CORO2B: variants seen among roughly 807,000 people sequenced by gnomAD.
The protein encoded by CORO2B is coronin 2B.
Under a neutral mutation model 58.8 loss-of-function variants are expected in CORO2B, and 26 were observed. The ratio of observed to expected loss-of-function variants is 0.44; its 90% CI spans 0.32 to 0.61. The LOEUF (loss-of-function observed/expected upper bound fraction) is 0.61, where lower values mean the gene tolerates loss of function less well. CORO2B is among the 20% of genes least tolerant of loss of function. The pLI is 0.04. For missense variants in CORO2B, 460 were observed against 645.1 expected (o/e 0.71, Z 3.11); for synonymous variants, 242 against 253.8 (o/e 0.95, Z 0.44).
chr15:68,593,282 A>T (rs1595956635), intron 1 of CORO2B, among the ~76,000 whole-genome samples: 1 of 152,330 alleles, frequency 6.6e-6, no homozygotes, highest in Admixed American at 6.5e-5. Context: ...CCTGTTCAAC[A>T]TTTGGTTTAA....
At chr15:68,562,197 G>A in the CORO2B span, among the ~76,000 whole-genome samples, 1 of 152,182 alleles carries the variant, frequency 6.6e-6, no homozygotes, top group East Asian at 1.9e-4. Context: ...GGGTCTTTGG[G>A]TGCTGAGCAC....
chr15:68,670,044 A>G (rs989404865), intron 2 of CORO2B, among the ~76,000 whole-genome samples: 2 of 148,974 alleles, frequency 1.3e-5, no homozygotes, highest in African/African-American at 5.0e-5. Context: ...GTGACAGAGC[A>G]AGACTCTGTC....
In CORO2B at chr15:68,586,395, A is replaced by G. The variant is rs1369872355; in HGVS notation, c.15+7118A>G. Among the ~76,000 whole-genome samples the G allele has an allele frequency of 6.6e-5, 10 of 152,208 alleles. No homozygotes were observed. The East Asian group carries it at 1.7e-3, about 26-fold the overall frequency. On this transcript the variant is annotated intron_variant, in intron 1 of 11. Coordinates refer to ENST00000261861, the MANE Select transcript of CORO2B (RefSeq NM_006091.5). ...GGAAGTGACTTTAAGTTGAGTCATGAAGGATGAGTAGGAGGTAGCAGGTGA... is the reference window on the plus strand; with the variant it reads ...GGAAGTGACTTTAAGTTGAGTCATGGAGGATGAGTAGGAGGTAGCAGGTGA...
the CORO2B span, among the ~76,000 whole-genome samples, chr15:68,541,419 C>A: frequency 6.6e-6 from 1 of 152,096 alleles, no homozygotes; most frequent in Non-Finnish European, 1.5e-5. Flanking sequence ...TCAGTGACAT[C>A]AAAAATGCTA....
At chr15:68,642,162 G>A (rs1044416417) in intron 1 of CORO2B, among the ~76,000 whole-genome samples, 29 of 149,360 alleles carry the variant, frequency 1.9e-4, no homozygotes, top group African/African-American at 6.9e-4. Context: ...TCAGCCTCCC[G>A]ACCAGCTGGG....
chr15:68,558,119 A>G, the CORO2B span, among the ~76,000 whole-genome samples: 8 of 152,178 alleles, frequency 5.3e-5, no homozygotes, highest in Non-Finnish European at 1.0e-4. Context: ...AGTAGGGCTG[A>G]GTCAGTGAGC....
intron 2 of CORO2B, among the ~76,000 whole-genome samples, chr15:68,665,163 G>A (rs1161761291): frequency 6.6e-6 from 1 of 152,122 alleles, no homozygotes; most frequent in South Asian, 2.1e-4. Context: ...TTGGTGTAAA[G>A]AATGAGGTAT....
rs1228870366 is a variant in CORO2B, at chr15:68,726,226, C to T, written c.*252C>T. 2.1e-6 allele frequency: 1 copy of T among 470,118 alleles called. No individual in the cohort carries two copies. The highest frequency in any genetic ancestry group is 4.6e-5 in the East Asian group (1 of 21,570). 29.1% of individuals were successfully genotyped at this position (470,118 alleles called of 1,614,324 possible). The stretch of plus-strand genomic sequence containing the variant: ...TGCCACCCCAGGAGCCAGGCTTCCC[C>T]TCAGCTGGGTGAAGACTACAGACTC... On this transcript the variant is annotated 3_prime_UTR_variant, in exon 12 of 12. Coordinates refer to ENST00000261861, the MANE Select transcript of CORO2B (RefSeq NM_006091.5).
chr15:68,543,123 G>T, the CORO2B span, among the ~76,000 whole-genome samples: 3 of 152,204 alleles, frequency 2.0e-5, no homozygotes, highest in Non-Finnish European at 2.9e-5. Flanking sequence ...GGATCGGGGG[G>T]TGGAGGGGCT....
the CORO2B span, among the ~76,000 whole-genome samples, chr15:68,549,320 G>T: frequency 6.6e-6 from 1 of 152,182 alleles, no homozygotes; most frequent in Non-Finnish European, 1.5e-5. Flanking sequence ...AATTTTGTCA[G>T]TCCTCCTTCC....
chr15:68,521,934 A>T, the CORO2B span, among the ~76,000 whole-genome samples: 4 of 152,048 alleles, frequency 2.6e-5, no homozygotes, highest in African/African-American at 9.7e-5. Context: ...TCTCAAGTAG[A>T]TGAGACTACA....
the CORO2B span, among the ~76,000 whole-genome samples, chr15:68,539,276 T>A: frequency 1.3e-5 from 2 of 152,126 alleles, no homozygotes; most frequent in African/African-American, 4.8e-5. Flanking sequence ...AAAAGAAAAC[T>A]ATTTAATGGG....
chr15:68,703,802 C>T (rs889965871), intron 3 of CORO2B, among the ~76,000 whole-genome samples: 6 of 152,040 alleles, frequency 3.9e-5, no homozygotes, highest in African/African-American at 1.2e-4. Context: ...TAATCATGTA[C>T]GCGTTTTAAA....
chr15:68,530,327 A>AAAT, the CORO2B span, among the ~76,000 whole-genome samples: 22 of 151,904 alleles, frequency 1.4e-4, no homozygotes, highest in Non-Finnish European at 2.2e-4. Flanking sequence ...TCTGTCTCAA[A>AAAT]AATAATAATA....
chr15:68,582,818 G>C (rs1219685959), intron 1 of CORO2B, among the ~76,000 whole-genome samples: 1 of 152,140 alleles, frequency 6.6e-6, no homozygotes, highest in Non-Finnish European at 1.5e-5. Context: ...GTGGCTTATA[G>C]TGACCAGGCT....
intron 2 of CORO2B, among the ~76,000 whole-genome samples, chr15:68,681,057 A>G (rs1055548088): frequency 2.6e-5 from 4 of 152,152 alleles, no homozygotes; most frequent in African/African-American, 9.7e-5. Flanking sequence ...CTACAAAAAT[A>G]CAAAAATTAG....
At chr15:68,609,580 TGGG>T (rs1001616029) in intron 1 of CORO2B, among the ~76,000 whole-genome samples, 22 of 152,254 alleles carry the variant, frequency 1.4e-4, no homozygotes, top group African/African-American at 5.1e-4. Context: ...CTTTTGGAGT[TGGG>T]GGAGTAAATG....
At chr15:68,618,952 A>G (rs1900441515) in intron 1 of CORO2B, among the ~76,000 whole-genome samples, 1 of 152,206 alleles carries the variant, frequency 6.6e-6, no homozygotes, top group Non-Finnish European at 1.5e-5. Context: ...TCAAAAATTT[A>G]TCTAGGAGAG....
At chr15:68,671,724 C>T (rs1596003836) in intron 2 of CORO2B, among the ~76,000 whole-genome samples, 1 of 152,312 alleles carries the variant, frequency 6.6e-6, no homozygotes, top group African/African-American at 2.4e-5. Flanking sequence ...TCTCCATAGG[C>T]TAAGTGTTCT....
Sources: allele counts gnomAD v4.1 joint callset (sites outside exome capture counted in the v4.1 genomes callset), GRCh38; gene constraint gnomAD v4.1.1; transcripts MANE v1.5; gene names NCBI Gene and HGNC (gene_info 2026-07-23, HGNC 2026-07-21).